FIRRM: variants seen among roughly 807,000 people sequenced by gnomAD.
FIRRM encodes the protein FIGNL1-interacting regulator of recombination and mitosis.
chr1:169,822,024 T>C, the FIRRM span, among the ~76,000 whole-genome samples: 1 of 152,216 alleles, frequency 6.6e-6, no homozygotes, highest in African/African-American at 2.4e-5. Context: ...ATTTAAAAAT[T>C]TTTAAAGATT....
At chr1:169,795,754 TC>T in the FIRRM span, 2 of 985,426 alleles carry the variant, frequency 2.0e-6, no homozygotes, top group Non-Finnish European at 2.4e-6. Context: ...AAAATGATTT[TC>T]CTCCTTCCCC....
chr1:169,807,903 G>T, the FIRRM span: 1 of 1,607,792 alleles, frequency 6.2e-7, no homozygotes, highest in South Asian at 1.1e-5. Context: ...ACAGTTAGCT[G>T]AGCAGATGAC....
the FIRRM span, among the ~76,000 whole-genome samples, chr1:169,785,846 T>C: frequency 6.6e-6 from 1 of 152,206 alleles, no homozygotes; most frequent in African/African-American, 2.4e-5. Flanking sequence ...AATCAAATAC[T>C]GGGCTGATCC....
chr1:169,814,499 T>C, the FIRRM span, among the ~76,000 whole-genome samples: 3 of 152,174 alleles, frequency 2.0e-5, no homozygotes, highest in Non-Finnish European at 4.4e-5. Context: ...CATCCCCACG[T>C]GAGCAGTTTG....
the FIRRM span, among the ~76,000 whole-genome samples, chr1:169,818,067 C>T: frequency 0.027 from 4,075 of 152,226 alleles, 207 homozygotes; most frequent in East Asian, 0.22. Context: ...GTCAAAAATC[C>T]ACATTCCCAT....
the FIRRM span, among the ~76,000 whole-genome samples, chr1:169,834,352 A>G: frequency 1.3e-5 from 2 of 152,162 alleles, no homozygotes; most frequent in East Asian, 3.8e-4. Flanking sequence ...TCCTTAGGAG[A>G]GTTAATTATA....
the FIRRM span, among the ~76,000 whole-genome samples, chr1:169,811,745 TTATC>T: frequency 2.1e-5 from 3 of 144,628 alleles, no homozygotes; most frequent in African/African-American, 8.0e-5. Flanking sequence ...AATAGACAGA[TTATC>T]TAAATAGATA....
chr1:169,841,529 C>G, the FIRRM span, among the ~76,000 whole-genome samples: 1 of 152,130 alleles, frequency 6.6e-6, no homozygotes, highest in African/African-American at 2.4e-5. Context: ...CCCTGTACCC[C>G]CACCACACCT....
the FIRRM span, among the ~76,000 whole-genome samples, chr1:169,797,048 C>T: frequency 6.6e-6 from 1 of 152,338 alleles, no homozygotes; most frequent in Admixed American, 6.5e-5. Flanking sequence ...ATATTTTCCA[C>T]TTCTACACAT....
the FIRRM span, chr1:169,827,036 T>TCC: frequency 6.2e-7 from 1 of 1,608,078 alleles, no homozygotes; most frequent in Non-Finnish European, 8.5e-7. Context: ...GAGTTTTTTT[T>TCC]CTCTCCCTTC....
the FIRRM span, chr1:169,853,912 A>T: frequency 3.4e-6 from 3 of 892,560 alleles, no homozygotes; most frequent in Non-Finnish European, 5.1e-6. Context: ...AATAACTTAG[A>T]GCTCTAACAG....
At chr1:169,853,719 GTTA>G in the FIRRM span, 3 of 1,613,476 alleles carry the variant, frequency 1.9e-6, no homozygotes, top group Non-Finnish European at 2.5e-6. Context: ...ATTGTCACCA[GTTA>G]TTATCTTCCC....
the FIRRM span, among the ~76,000 whole-genome samples, chr1:169,843,347 T>C: frequency 6.6e-6 from 1 of 152,208 alleles, no homozygotes; most frequent in Non-Finnish European, 1.5e-5. Flanking sequence ...ATTTTAAGAT[T>C]ACTAAGGAAC....
At chr1:169,814,754 A>C in the FIRRM span, among the ~76,000 whole-genome samples, 5 of 152,206 alleles carry the variant, frequency 3.3e-5, no homozygotes. Flanking sequence ...AAAATATGTT[A>C]ATCAGCTCTT....
the FIRRM span, chr1:169,830,789 A>G: frequency 2.6e-6 from 4 of 1,523,192 alleles, no homozygotes; most frequent in Admixed American, 1.7e-5. Context: ...CTTTCTATGC[A>G]CTTCCTTTGG....
the FIRRM span, among the ~76,000 whole-genome samples, chr1:169,812,988 ACT>A: frequency 6.6e-6 from 1 of 152,156 alleles, no homozygotes. Flanking sequence ...GAACCATCCA[ACT>A]CTGTTTTGAT....
chr1:169,787,407 G>T, the FIRRM span, among the ~76,000 whole-genome samples: 1 of 152,044 alleles, frequency 6.6e-6, no homozygotes, highest in East Asian at 1.9e-4. Flanking sequence ...CACCTCAAAA[G>T]TCACTATCTC....
the FIRRM span, chr1:169,807,979 G>A: frequency 1.3e-6 from 2 of 1,547,616 alleles, no homozygotes; most frequent in South Asian, 1.2e-5. Flanking sequence ...ATTTTCTTTG[G>A]CAGTTAGTAA....
chr1:169,830,150 G>A, the FIRRM span: 1 of 881,080 alleles, frequency 1.1e-6, no homozygotes, highest in South Asian at 1.8e-5. Flanking sequence ...TTGAGGATCT[G>A]TTATTTGGAT....
Sources: gnomAD v4.1 joint callset for allele counts (sites outside exome capture counted in the v4.1 genomes callset) on GRCh38, gnomAD v4.1.1 for gene constraint, MANE v1.5 for transcripts, NCBI Gene and HGNC (gene_info 2026-07-23, HGNC 2026-07-21) for gene names.